RHOQ: variants seen among roughly 807,000 people sequenced by gnomAD.
The protein encoded by RHOQ is rho-related GTP-binding protein RhoQ.
A neutral mutation model predicts 25.8 loss-of-function variants in RHOQ; 7 were observed. That is an observed-to-expected ratio of 0.27 (90% confidence interval 0.15 to 0.51). The LOEUF is 0.51. Ranked by LOEUF, RHOQ falls within the 20% of genes least tolerant of loss-of-function variation. The pLI is 0.97. For missense variants in RHOQ, 165 were observed against 260.6 expected (o/e 0.63, Z 2.53); for synonymous variants, 97 against 98.6 (o/e 0.98, Z 0.10).
intron 2 of RHOQ, among the ~76,000 whole-genome samples, chr2:46,563,277 C>T (rs1387154723): frequency 6.6e-6 from 1 of 152,156 alleles, no homozygotes; most frequent in African/African-American, 2.4e-5. Context: ...TGACTCTGGA[C>T]AGGTGGTGAG....
intron 2 of RHOQ, among the ~76,000 whole-genome samples, chr2:46,544,453 A>C (rs1170886414): frequency 6.6e-6 from 1 of 152,222 alleles, no homozygotes; most frequent in Non-Finnish European, 1.5e-5. Flanking sequence ...CCCCGGCCCT[A>C]CTTCAGAAGG....
rs1667848858 is a variant in RHOQ, at chr2:46,542,607, C to T, written c.-440C>T. On this transcript the variant is annotated 5_prime_UTR_variant, in exon 1 of 5. Transcript: ENST00000238738. Reference sequence around the variant, plus strand: ...GGCGCGGGCCGCGCTCGGGGAGGCGCCTGGGCCCGCCCTCCTCCGGGGCGC... The same window carrying T: ...GGCGCGGGCCGCGCTCGGGGAGGCGTCTGGGCCCGCCCTCCTCCGGGGCGC... 2 of 146,588 alleles carry T rather than the reference C, an allele frequency of 1.4e-5. No individual in the cohort carries two copies. Among genetic ancestry groups the T allele is most frequent in the Admixed American group, 1.4e-4 (2 of 14,770 alleles). 9.1% of individuals were successfully genotyped at this position (146,588 alleles called of 1,614,324 possible).
At chr2:46,561,185 A>T (rs577336096) in intron 2 of RHOQ, among the ~76,000 whole-genome samples, 2 of 152,068 alleles carry the variant, frequency 1.3e-5, no homozygotes, top group South Asian at 4.1e-4. Flanking sequence ...GTATATATAT[A>T]TGTGTATATA....
Position 46,546,474 on chromosome 2 carries a change from GTGTATATA to G in RHOQ, c.201+2664_201+2671del, listed in dbSNP as rs1429323132. Among the ~76,000 whole-genome samples, 133 of 16,940 alleles carry G rather than the reference GTGTATATA, an allele frequency of 7.9e-3. 4 individuals carry two copies. The highest frequency in any genetic ancestry group is 0.023 in the Admixed American group (27 of 1,170). The allele number at this position is 16,940 out of a possible 152,430, so 11.1% of individuals were successfully genotyped here. A position where few individuals can be genotyped will look rare whatever the true frequency, so the allele number is the denominator to read the frequency against. ...TACATATATATATATATATATATAT[GTGTATATA>G]TATATATATATATATATATATATAT... On this transcript the variant is annotated intron_variant, in intron 2 of 4. Transcript: ENST00000238738.
intron 2 of RHOQ, among the ~76,000 whole-genome samples, chr2:46,573,284 G>T (rs1033286103): frequency 6.6e-6 from 1 of 151,988 alleles, no homozygotes; most frequent in African/African-American, 2.4e-5. Flanking sequence ...GGCTGATCTT[G>T]GACTCCTGAC....
intron 2 of RHOQ, among the ~76,000 whole-genome samples, chr2:46,561,166 T>C (rs908747233): frequency 4.6e-5 from 7 of 152,022 alleles, no homozygotes; most frequent in African/African-American, 1.7e-4. Flanking sequence ...CTTTGATATA[T>C]ATGTGTGTGT....
intron 1 of RHOQ, 196 bp downstream of exon 1, chr2:46,543,384 C>T: frequency 4.8e-6 from 3 of 622,136 alleles, no homozygotes; most frequent in Non-Finnish European, 5.6e-6. Flanking sequence ...CCCCCTCTCC[C>T]ACCCGCCCCC....
intron 2 of RHOQ, among the ~76,000 whole-genome samples, chr2:46,550,844 A>G (rs1210651959): frequency 6.6e-6 from 1 of 152,156 alleles, no homozygotes; most frequent in Non-Finnish European, 1.5e-5. Context: ...GTGTTGATTC[A>G]ATGCCTGGTG....
rs917432434 is a variant in RHOQ, at chr2:46,582,479, A to G, written c.*1396A>G. ...GTCTGCTGTGGATCTGCCTTATTGC[A>G]TATGCCATGCATCAGATAATGGATG... On this transcript the variant is annotated 3_prime_UTR_variant, in exon 5 of 5. Transcript: ENST00000238738. 5.9e-5 allele frequency: 9 copies of G among 152,222 alleles called. No homozygotes were observed. The highest frequency in any genetic ancestry group is 1.3e-4 in the Non-Finnish European group (9 of 68,028). The allele number at this position is 152,222 out of a possible 1,614,324, so 9.4% of individuals were successfully genotyped here. A position where few individuals can be genotyped will look rare whatever the true frequency, so the allele number is the denominator to read the frequency against.
At chr2:46,545,106 C>T (rs970960311) in intron 2 of RHOQ, among the ~76,000 whole-genome samples, 1 of 152,210 alleles carries the variant, frequency 6.6e-6, no homozygotes, top group Non-Finnish European at 1.5e-5. Context: ...CCTGAGACCA[C>T]CCCCTTTCAC....
chr2:46,574,131 C>T (rs1460722951), intron 2 of RHOQ, among the ~76,000 whole-genome samples: 1 of 152,162 alleles, frequency 6.6e-6, no homozygotes. Context: ...AGGTGTTATG[C>T]GGAGTGCTTT....
chr2:46,542,899 A>T lies in RHOQ; in HGVS notation c.-148A>T. The T allele has an allele frequency of 1.3e-5, 3 of 223,690 alleles. No homozygotes were observed. Among genetic ancestry groups the T allele is most frequent in the Non-Finnish European group, 2.2e-5 (3 of 138,378 alleles). The allele number at this position is 223,690 out of a possible 1,614,324, so 13.9% of individuals were successfully genotyped here. A position where few individuals can be genotyped will look rare whatever the true frequency, so the allele number is the denominator to read the frequency against. ...GCCCGCCGCCCCCTCCCCTCCTGCG[A>T]GGGGAGCCGCTGCATGGGGCCGGGG... On this transcript the variant is annotated 5_prime_UTR_variant, in exon 1 of 5. Transcript: ENST00000238738.
chr2:46,547,554 G>A (rs1353394147), intron 2 of RHOQ, among the ~76,000 whole-genome samples: 1 of 152,232 alleles, frequency 6.6e-6, no homozygotes, highest in Admixed American at 6.5e-5. Flanking sequence ...CTTCCCCTCT[G>A]TTGGCCAAGC....
rs1270457885 is a variant in RHOQ at position 46,548,353 on chromosome 2, A to G, written c.201+4541A>G. 1.3e-5 allele frequency among the ~76,000 whole-genome samples: 2 copies of G among 152,146 alleles called. No homozygotes were observed. Among genetic ancestry groups the G allele is most frequent in the Admixed American group, 6.5e-5 (1 of 15,276 alleles). ...AGGCTTGGCATGCCCCACCTTCTGC[A>G]TTTTAGCAGAAGGGCCTGGCATGAT... On this transcript the variant is annotated intron_variant, in intron 2 of 4. Coordinates refer to ENST00000238738, the MANE Select transcript of RHOQ (RefSeq NM_012249.4). The surrounding 1 kb of genome is among the most constrained non-coding windows in gnomAD (Gnocchi z 5.2).
In RHOQ at chr2:46,584,618, T is replaced by C. The variant is rs1396817800; in HGVS notation, c.*3535T>C. On this transcript the variant is annotated 3_prime_UTR_variant, in exon 5 of 5. Transcript: ENST00000238738. ...GTTACGGCTTGGAACACTTGGTTAT[T>C]CATGTTATGTAAATCAAGAAGTGCA... is the stretch of plus-strand genomic sequence containing the variant. Among the ~76,000 whole-genome samples, 3 of 152,174 alleles carry C rather than the reference T, an allele frequency of 2.0e-5. No homozygotes were observed. Among genetic ancestry groups the C allele is most frequent in the Non-Finnish European group, 4.4e-5 (3 of 68,008 alleles).
intron 4 of RHOQ, chr2:46,577,008 G>C (rs1430374032): frequency 2.3e-5 from 4 of 175,992 alleles, no homozygotes; most frequent in African/African-American, 7.1e-5. Flanking sequence ...GGAAACACGT[G>C]TCACTACTTT....
At position 46,542,893 on chromosome 2, in the gene RHOQ, C is replaced by A; in HGVS notation, c.-154C>A. The A allele has an allele frequency of 4.4e-6, 1 of 229,024 alleles. No homozygotes were observed. Among genetic ancestry groups the A allele is most frequent in the Non-Finnish European group, 7.1e-6 (1 of 140,102 alleles). The allele number at this position is 229,024 out of a possible 1,614,324, so 14.2% of individuals were successfully genotyped here. ...CCCCGGGCCCGCCGCCCCCTCCCCT[C>A]CTGCGAGGGGAGCCGCTGCATGGGG... is the stretch of plus-strand genomic sequence containing the variant. On this transcript the variant is annotated 5_prime_UTR_variant, in exon 1 of 5. Coordinates refer to ENST00000238738, the MANE Select transcript of RHOQ (RefSeq NM_012249.4).
At chr2:46,564,426 TTG>T (rs1170803227) in intron 2 of RHOQ, among the ~76,000 whole-genome samples, 1 of 152,090 alleles carries the variant, frequency 6.6e-6, no homozygotes, top group African/African-American at 2.4e-5. Flanking sequence ...TCCTCAGAAA[TTG>T]TGTGTGTTTT....
intron 2 of RHOQ, among the ~76,000 whole-genome samples, chr2:46,567,649 C>A (rs1332833232): frequency 6.6e-6 from 1 of 152,108 alleles, no homozygotes; most frequent in Admixed American, 6.6e-5. Context: ...GTCTCAGCCT[C>A]GCAGAGTGCT....
Sources: gnomAD v4.1 joint callset for allele counts (sites outside exome capture counted in the v4.1 genomes callset) on GRCh38, gnomAD v4.1.1 for gene constraint, Gnocchi (gnomAD v3.1) non-coding constraint, MANE v1.5 for transcripts, NCBI Gene and HGNC (gene_info 2026-07-23, HGNC 2026-07-21) for gene names.